The following DYRK1A variants were observed in gnomAD, a reference collection of about 807,000 sequenced individuals.
The protein encoded by DYRK1A is dual specificity tyrosine-phosphorylation-regulated kinase 1A.
In DYRK1A, 9 loss-of-function variants were observed where a neutral mutation model predicts 79.7. That is an observed-to-expected ratio of 0.11 (90% CI 0.07 to 0.20). The LOEUF is 0.20. DYRK1A is among the 10% of genes least tolerant of loss of function. The pLI, the probability that DYRK1A is intolerant of heterozygous loss-of-function variation, is 1.00. For missense variants in DYRK1A, 622 were observed against 956.0 expected, an observed-to-expected ratio of 0.65 and a Z score of 4.61; for synonymous variants, 349 against 329.7, an observed-to-expected ratio of 1.06 and a Z score of -0.63.
At chr21:37,430,531 C>G (rs999673269) in intron 2 of DYRK1A, 2 of 437,562 alleles carry the variant, frequency 4.6e-6, no homozygotes, top group African/African-American at 4.3e-5. Flanking sequence ...AACTCAAGAG[C>G]CAGAGTCCTC....
intron 1 of DYRK1A, among the ~76,000 whole-genome samples, chr21:37,387,829 A>G (rs994809787): frequency 2.6e-5 from 4 of 152,190 alleles, no homozygotes; most frequent in African/African-American, 9.6e-5. Context: ...ATGGAGTTGG[A>G]ATGTAATTTT....
intron 2 of DYRK1A, among the ~76,000 whole-genome samples, chr21:37,454,499 A>G (rs2051569457): frequency 6.6e-6 from 1 of 152,202 alleles, no homozygotes; most frequent in East Asian, 1.9e-4. Flanking sequence ...TGATGGAATG[A>G]GTCTAAAAAG....
chr21:37,479,619 G>GTTTTTGTTTTTGTTTTTGTT (rs2052550822), intron 4 of DYRK1A, among the ~76,000 whole-genome samples: 1 of 73,898 alleles, frequency 1.4e-5, no homozygotes, highest in East Asian at 6.3e-4. Context: ...TTTGTTTTTT[G>GTTTTTGTTTTTGTTTTTGTT]TTTTTTTTTT....
chr21:37,437,300 TAAAATATG>T (rs1261111188), intron 2 of DYRK1A, among the ~76,000 whole-genome samples: 1 of 152,210 alleles, frequency 6.6e-6, no homozygotes, highest in African/African-American at 2.4e-5. Flanking sequence ...CTTTGATTTT[TAAAATATG>T]AAAATGTGGT....
At position 37,479,612 on chromosome 21, in the gene DYRK1A, G is replaced by GTTTTTTTTTTTTTTTTTTTTT. The variant is rs367673016; in HGVS notation, c.301-1020_301-1019insTTTTTTTTTTTTTTTTTTTTT. Reference sequence around the variant, plus strand: ...GTGTTTTGTTTTTGTTTTTGTTTTTGTTTTTTGTTTTTTTTTTTTTTTTTG... The same window carrying GTTTTTTTTTTTTTTTTTTTTT: ...GTGTTTTGTTTTTGTTTTTGTTTTTGTTTTTTTTTTTTTTTTTTTTTTTTTTTGTTTTTTTTTTTTTTTTTG... On this transcript the variant is annotated intron_variant, in intron 4 of 11. Coordinates refer to ENST00000647188, the MANE Select transcript of DYRK1A (RefSeq NM_001347721.2). 1.7e-3 allele frequency among the ~76,000 whole-genome samples: 81 copies of GTTTTTTTTTTTTTTTTTTTTT among 47,172 alleles called. 11 individuals are homozygous for GTTTTTTTTTTTTTTTTTTTTT. The highest frequency in any genetic ancestry group is 2.3e-3 in the Non-Finnish European group (63 of 27,338). The allele number at this position is 47,172 out of a possible 152,430, so 30.9% of individuals were successfully genotyped here. A position where few individuals can be genotyped will look rare whatever the true frequency, so the allele number is the denominator to read the frequency against.
intron 2 of DYRK1A, among the ~76,000 whole-genome samples, chr21:37,451,639 G>A (rs2051455910): frequency 6.6e-6 from 1 of 151,420 alleles, no homozygotes; most frequent in African/African-American, 2.4e-5. Context: ...TAGCGTGGGC[G>A]TGCAGTAGGC....
intron 1 of DYRK1A, among the ~76,000 whole-genome samples, chr21:37,416,316 C>CTT (rs2050337929): frequency 1.1e-5 from 1 of 90,870 alleles, no homozygotes; most frequent in African/African-American, 4.2e-5. Flanking sequence ...TGTGTTTTGG[C>CTT]CTTTTTTTTT....
chr21:37,466,034 C>A (rs1443482271), intron 2 of DYRK1A, among the ~76,000 whole-genome samples: 2 of 152,212 alleles, frequency 1.3e-5, no homozygotes, highest in Non-Finnish European at 2.9e-5. Context: ...GCATATAATT[C>A]ACTCAATCTA....
chr21:37,435,909 T>G (rs1026772860), intron 2 of DYRK1A, among the ~76,000 whole-genome samples: 10 of 152,024 alleles, frequency 6.6e-5, no homozygotes, highest in African/African-American at 2.4e-4. Flanking sequence ...CTAATTGAAG[T>G]CAGATGTTTT....
intron 4 of DYRK1A, among the ~76,000 whole-genome samples, chr21:37,478,631 C>G (rs904279383): frequency 6.6e-6 from 1 of 151,844 alleles, no homozygotes; most frequent in Non-Finnish European, 1.5e-5. Context: ...AATAAGGACT[C>G]TAAAAGTATA....
intron 2 of DYRK1A, chr21:37,430,298 A>G: frequency 1.0e-6 from 1 of 969,572 alleles, no homozygotes; most frequent in Non-Finnish European, 1.2e-6. Flanking sequence ...ACAGAGAACT[A>G]TACTGGAAGA....
chr21:37,445,042 C>T (rs1468971662), intron 2 of DYRK1A, among the ~76,000 whole-genome samples: 2 of 152,136 alleles, frequency 1.3e-5, no homozygotes, highest in African/African-American at 2.4e-5. Flanking sequence ...CCCAGGGACA[C>T]AGCTAGTAAG....
In DYRK1A at chr21:37,513,949, C is replaced by G. The variant is rs1326043581; in HGVS notation, c.*1418C>G. The G allele has an allele frequency of 6.6e-6, 1 of 152,574 alleles. No individual in the cohort carries two copies. Among genetic ancestry groups the G allele is most frequent in the African/African-American group, 2.4e-5 (1 of 41,424 alleles). The allele number at this position is 152,574 out of a possible 1,614,324, so 9.5% of individuals were successfully genotyped here. A position where few individuals can be genotyped will look rare whatever the true frequency, so the allele number is the denominator to read the frequency against. On this transcript the variant is annotated 3_prime_UTR_variant, in exon 12 of 12. Coordinates refer to ENST00000647188, the MANE Select transcript of DYRK1A (RefSeq NM_001347721.2). ...AATTATGGCTGTACTATTGCTTAAA[C>G]AAAACTGGAACTGTTGTTGAATCCA...
At chr21:37,490,828 T>G (rs1407640284) in intron 7 of DYRK1A, among the ~76,000 whole-genome samples, 1 of 151,936 alleles carries the variant, frequency 6.6e-6, no homozygotes, top group Admixed American at 6.6e-5. Context: ...GCTAAAAGAT[T>G]AAGGGAGAGA....
intron 1 of DYRK1A, among the ~76,000 whole-genome samples, chr21:37,375,397 A>G (rs548413301): frequency 6.6e-6 from 1 of 152,110 alleles, no homozygotes; most frequent in African/African-American, 2.4e-5. Context: ...TCCTCAAATT[A>G]CTACTTTCCT....
intron 1 of DYRK1A, among the ~76,000 whole-genome samples, chr21:37,398,219 C>T (rs2049993526): frequency 6.6e-6 from 1 of 151,266 alleles, no homozygotes; most frequent in Non-Finnish European, 1.5e-5. Flanking sequence ...TGGCAGGCAC[C>T]TGTAATCCTA....
At chr21:37,410,320 A>G (rs1329508709) in intron 1 of DYRK1A, among the ~76,000 whole-genome samples, 1 of 152,216 alleles carries the variant, frequency 6.6e-6, no homozygotes, top group Non-Finnish European at 1.5e-5. Context: ...GTTTCTTCAG[A>G]ATGTAGCAAA....
intron 2 of DYRK1A, among the ~76,000 whole-genome samples, chr21:37,445,371 G>A (rs2148487861): frequency 6.6e-6 from 1 of 152,290 alleles, no homozygotes; most frequent in Non-Finnish European, 1.5e-5. Flanking sequence ...AGATGATGAG[G>A]AATGTTTCGG....
intron 1 of DYRK1A, among the ~76,000 whole-genome samples, chr21:37,411,857 A>G (rs549425329): frequency 3.3e-5 from 5 of 152,322 alleles, no homozygotes; most frequent in East Asian, 1.9e-4. Flanking sequence ...CATAACTACT[A>G]TTCTCTTTTT....
Sources: gnomAD v4.1 joint callset for allele counts (sites outside exome capture counted in the v4.1 genomes callset) on GRCh38, gnomAD v4.1.1 for gene constraint, MANE v1.5 for transcripts, NCBI Gene and HGNC (gene_info 2026-07-23, HGNC 2026-07-21) for gene names.